Variants in SAMMSON observed in about 807,000 individuals in gnomAD.
SAMMSON encodes the protein long intergenic non-protein coding RNA 1212.
intron 6 of SAMMSON, among the ~76,000 whole-genome samples, chr3:70,251,527 C>T (rs1255639340): frequency 1.3e-5 from 2 of 152,216 alleles, no homozygotes; most frequent in African/African-American, 4.8e-5. Context: ...CATAGCCTTG[C>T]TCTGGCCTCA....
chr3:70,311,311 C>G (rs1205147801), intron 7 of SAMMSON, among the ~76,000 whole-genome samples: 1 of 152,080 alleles, frequency 6.6e-6, no homozygotes, highest in Admixed American at 6.6e-5. Context: ...AGTAAATAAT[C>G]ACAGGTTTAG....
intron 4 of SAMMSON, among the ~76,000 whole-genome samples, chr3:70,147,564 T>C (rs1444212385): frequency 6.6e-6 from 1 of 152,010 alleles, no homozygotes; most frequent in Non-Finnish European, 1.5e-5. Flanking sequence ...GAAAGCATAG[T>C]CTTTTCAACA....
At chr3:70,229,260 G>T (rs533364800) in intron 4 of SAMMSON, among the ~76,000 whole-genome samples, 1 of 152,212 alleles carries the variant, frequency 6.6e-6, no homozygotes, top group African/African-American at 2.4e-5. Flanking sequence ...TAGCCAAGGA[G>T]GGTGAGTGTG....
chr3:70,237,639 A>G (rs1254248946), intron 4 of SAMMSON, among the ~76,000 whole-genome samples: 1 of 152,242 alleles, frequency 6.6e-6, no homozygotes, highest in Non-Finnish European at 1.5e-5. Context: ...TAAACTTGGA[A>G]TCCATGTATT....
At chr3:70,294,334 G>C (rs1036313326) in intron 7 of SAMMSON, among the ~76,000 whole-genome samples, 1 of 152,072 alleles carries the variant, frequency 6.6e-6, no homozygotes, top group African/African-American at 2.4e-5. Context: ...AGTACAAGAA[G>C]TAATGATACT....
chr3:70,047,264 CAA>C (rs955599796), intron 3 of SAMMSON, among the ~76,000 whole-genome samples: 1 of 149,604 alleles, frequency 6.7e-6, no homozygotes, highest in African/African-American at 2.5e-5. Flanking sequence ...TGCACAGGAA[CAA>C]AAAAATATAG....
At chr3:70,065,124 C>T (rs1466531585) in intron 3 of SAMMSON, 2 of 151,910 alleles carry the variant, frequency 1.3e-5, no homozygotes, top group Non-Finnish European at 2.9e-5. Flanking sequence ...TACACTTGTT[C>T]CATTTTTTTA....
intron 7 of SAMMSON, among the ~76,000 whole-genome samples, chr3:70,316,590 C>T (rs1267872041): frequency 6.6e-6 from 1 of 151,986 alleles, no homozygotes; most frequent in South Asian, 2.1e-4. Context: ...TCAAATATTG[C>T]ACATTAAAAG....
chr3:70,324,843 G>A (rs1391449613), intron 7 of SAMMSON, among the ~76,000 whole-genome samples: 1 of 150,076 alleles, frequency 6.7e-6, no homozygotes, highest in African/African-American at 2.5e-5. Flanking sequence ...GGTGATAGAG[G>A]AAATATTTCT....
chr3:70,078,092 G>C (rs1288595902), intron 4 of SAMMSON, among the ~76,000 whole-genome samples: 1 of 151,910 alleles, frequency 6.6e-6, no homozygotes, highest in Non-Finnish European at 1.5e-5. Flanking sequence ...ACATGTGTGT[G>C]GGGGGAAGAT....
intron 4 of SAMMSON, among the ~76,000 whole-genome samples, chr3:70,199,148 A>G (rs1701209849): frequency 6.6e-6 from 1 of 152,148 alleles, no homozygotes; most frequent in Non-Finnish European, 1.5e-5. Flanking sequence ...TCCTTTATAC[A>G]TGCAAGGTTA....
At chr3:70,228,166 T>A (rs917774190) in intron 4 of SAMMSON, among the ~76,000 whole-genome samples, 3 of 152,022 alleles carry the variant, frequency 2.0e-5, no homozygotes, top group Admixed American at 6.6e-5. Context: ...CTGTCCTTAA[T>A]TTTTAGAGGT....
chr3:70,145,142 G>A (rs759667228), intron 4 of SAMMSON, among the ~76,000 whole-genome samples: 5 of 151,988 alleles, frequency 3.3e-5, no homozygotes, highest in African/African-American at 4.8e-5. Context: ...AACCCAATGC[G>A]ATTATTATCC....
chr3:70,232,339 AT>A (rs1701567063), intron 4 of SAMMSON, among the ~76,000 whole-genome samples: 1 of 151,976 alleles, frequency 6.6e-6, no homozygotes, highest in Admixed American at 6.6e-5. Flanking sequence ...ATCAGTGCAC[AT>A]GTGTCGAATG....
chr3:70,143,384 G>A lies in SAMMSON; in HGVS notation n.507+71819G>A, dbSNP rs2106682522. ...TATGTGTGAATGTGTGTGTGTGTGT[G>A]TATAATGGCCAGTGGAGGTGGAATT... On this transcript the variant is annotated intron_variant and non_coding_transcript_variant, in intron 4 of 9. Coordinates refer to ENST00000642114, the Ensembl canonical transcript of SAMMSON. 2.0e-5 allele frequency among the ~76,000 whole-genome samples: 3 copies of A among 151,792 alleles called. No individual in the cohort carries two copies. In the Middle Eastern group the frequency reaches 0.01, roughly 527 times the overall value.
At chr3:70,330,758 T>G (rs188583218) in intron 7 of SAMMSON, among the ~76,000 whole-genome samples, 1 of 152,226 alleles carries the variant, frequency 6.6e-6, no homozygotes. Flanking sequence ...GAGTGGTTAT[T>G]TCAATGTGAA....
At chr3:70,174,434 A>G (rs2106701686) in intron 4 of SAMMSON, among the ~76,000 whole-genome samples, 1 of 152,138 alleles carries the variant, frequency 6.6e-6, no homozygotes, top group East Asian at 1.9e-4. Flanking sequence ...GGGTCCAGCC[A>G]AAATAGAATG....
chr3:70,226,641 G>A (rs151072214), intron 4 of SAMMSON, among the ~76,000 whole-genome samples: 109 of 151,830 alleles, frequency 7.2e-4, no homozygotes, highest in African/African-American at 2.6e-3. Context: ...GGGAGGCTGA[G>A]GCAGGAGAAT....
At chr3:70,011,084 G>C (rs1195557911) in intron 1 of SAMMSON, among the ~76,000 whole-genome samples, 2 of 151,948 alleles carry the variant, frequency 1.3e-5, no homozygotes, top group Non-Finnish European at 2.9e-5. Flanking sequence ...ATACTTTGGG[G>C]TATTACTCAA....
Sources: allele counts gnomAD v4.1 joint callset (sites outside exome capture counted in the v4.1 genomes callset), GRCh38; gene constraint gnomAD v4.1.1; transcripts MANE v1.5; gene names NCBI Gene and HGNC (gene_info 2026-07-23, HGNC 2026-07-21).